Variants in TMEFF2 observed in about 807,000 individuals in gnomAD.
TMEFF2 encodes tomoregulin-2.
Under a neutral mutation model 53.8 loss-of-function variants are expected in TMEFF2, and 28 were observed. That is an observed-to-expected ratio of 0.52 (90% CI 0.39 to 0.71). The LOEUF is 0.71. Among genes scored for constraint, TMEFF2 ranks in the 30% least tolerant of loss-of-function variants. The pLI, the probability that TMEFF2 is intolerant of heterozygous loss-of-function variation, is 0.00. For synonymous variants in TMEFF2, 162 were observed against 166.3 expected (o/e 0.97, Z 0.20); for missense variants, 353 against 455.2 (o/e 0.78, Z 2.04).
At chr2:192,084,358 G>A (rs990865451) in intron 4 of TMEFF2, among the ~76,000 whole-genome samples, 4 of 152,070 alleles carry the variant, frequency 2.6e-5, no homozygotes, top group Admixed American at 1.3e-4. Flanking sequence ...GAGAGGAAAT[G>A]ATATTTTCCA....
chr2:192,193,772 A>T (rs1178735846), intron 1 of TMEFF2, among the ~76,000 whole-genome samples: 2 of 37,674 alleles, frequency 5.3e-5, no homozygotes, highest in Non-Finnish European at 6.9e-5. Flanking sequence ...AGAGAGAGAG[A>T]GAGAGAGAGA....
rs575440201 is a variant in TMEFF2, at chr2:191,968,515, C to A, written c.746-12137G>T. Among the ~76,000 whole-genome samples, 6 of 152,242 alleles carry A rather than the reference C, an allele frequency of 3.9e-5. No individual in the cohort carries two copies. In the South Asian group the frequency reaches 8.3e-4, roughly 21 times the overall value. Reference sequence around the variant, plus strand: ...GCCACCTGTGCTTCTAAATTGCAGGCCTTACGGACATAGAACATGCTCTTT... The same window carrying A: ...GCCACCTGTGCTTCTAAATTGCAGGACTTACGGACATAGAACATGCTCTTT... On this transcript the variant is annotated intron_variant, in intron 7 of 9. Coordinates refer to ENST00000272771, the MANE Select transcript of TMEFF2 (RefSeq NM_016192.4).
At chr2:192,073,887 G>A (rs1486049906) in intron 4 of TMEFF2, among the ~76,000 whole-genome samples, 1 of 151,862 alleles carries the variant, frequency 6.6e-6, no homozygotes, top group African/African-American at 2.4e-5. Context: ...AATCTTTTCT[G>A]AATATTTCTA....
rs756132004 is a variant in TMEFF2 at position 191,999,018 on chromosome 2, A to C, written c.685+42T>G. 5 of 1,565,036 alleles carry C rather than the reference A, an allele frequency of 3.2e-6. No individual in the cohort carries two copies. The Admixed American group carries it at 9.2e-5, about 29-fold the overall frequency. ...CTTCACTTTTCATTTTTGCACAAAG[A>C]CTAAAATCATTCTTTGAAATGAATT... On this transcript the variant is annotated intron_variant, in intron 6 of 9. Transcript: ENST00000272771.
rs1261484059 is a variant in TMEFF2 at position 191,956,250 on chromosome 2, G to A, written c.869+5C>T. The A allele has an allele frequency of 6.2e-7, 1 of 1,603,912 alleles. No individual in the cohort carries two copies. On this transcript the variant is annotated splice_donor_5th_base_variant and intron_variant, in intron 8 of 9. Coordinates refer to ENST00000272771, the MANE Select transcript of TMEFF2 (RefSeq NM_016192.4). ...ATTAACTATTCTTGCGAGTAAAAAT[G>A]TTACCTGCAAGATGGCTCCTGCATA...
chr2:192,172,758 A>C (rs1354424215), intron 4 of TMEFF2, among the ~76,000 whole-genome samples: 1 of 151,958 alleles, frequency 6.6e-6, no homozygotes, highest in East Asian at 1.9e-4. Flanking sequence ...GAAGGGGATG[A>C]GGAGATGTAA....
chr2:192,067,214 G>A (rs755724101), intron 4 of TMEFF2, among the ~76,000 whole-genome samples: 27 of 151,998 alleles, frequency 1.8e-4, no homozygotes, highest in Non-Finnish European at 3.4e-4. Flanking sequence ...GAATCATAGA[G>A]CATAGAGGAA....
At chr2:192,102,626 C>T (rs199796115) in intron 4 of TMEFF2, among the ~76,000 whole-genome samples, 116 of 109,772 alleles carry the variant, frequency 1.1e-3, no homozygotes, top group African/African-American at 1.9e-3. Context: ...TTTTCTTGTT[C>T]TTTTTTTTTT....
rs769874369 is a variant in TMEFF2, at chr2:191,949,666, G to A, written c.*645C>T. On this transcript the variant is annotated 3_prime_UTR_variant, in exon 10 of 10. Transcript: ENST00000272771. Reference sequence around the variant, plus strand: ...TATTTTCTTTCCCTCTCCTTTATGAGTTATAAAACACTTTCCCTCCCCTTC... The same window carrying A: ...TATTTTCTTTCCCTCTCCTTTATGAATTATAAAACACTTTCCCTCCCCTTC... The A allele has an allele frequency of 1.1e-3, 1,058 of 985,246 alleles. No homozygotes were observed. The highest frequency in any genetic ancestry group is 1.2e-3 in the Non-Finnish European group (958 of 829,880). The allele number at this position is 985,246 out of a possible 1,614,324, so 61.0% of individuals were successfully genotyped here. A position where few individuals can be genotyped will look rare whatever the true frequency, so the allele number is the denominator to read the frequency against.
At chr2:192,113,314 C>T (rs1689327270) in intron 4 of TMEFF2, among the ~76,000 whole-genome samples, 1 of 152,050 alleles carries the variant, frequency 6.6e-6, no homozygotes, top group Non-Finnish European at 1.5e-5. Context: ...GACAAGTCTG[C>T]ATATTGATAT....
chr2:192,019,393 G>C (rs1686811999), intron 5 of TMEFF2, among the ~76,000 whole-genome samples: 1 of 151,816 alleles, frequency 6.6e-6, no homozygotes, highest in Non-Finnish European at 1.5e-5. Context: ...TAAATAAGTA[G>C]TTGCTGATCT....
chr2:191,974,431 T>TTGGTTCTA (rs1692741880), intron 7 of TMEFF2, among the ~76,000 whole-genome samples: 1 of 152,146 alleles, frequency 6.6e-6, no homozygotes. Context: ...ACTAAATTGC[T>TTGGTTCTA]TGGTTCTATA....
intron 4 of TMEFF2, among the ~76,000 whole-genome samples, chr2:192,135,935 A>C (rs1353619706): frequency 6.6e-6 from 1 of 150,672 alleles, no homozygotes; most frequent in Non-Finnish European, 1.5e-5. Flanking sequence ...CCAGAGAACA[A>C]CCCCCTTTGA....
chr2:192,147,219 T>C (rs1260517125), intron 4 of TMEFF2, among the ~76,000 whole-genome samples: 1 of 152,022 alleles, frequency 6.6e-6, no homozygotes. Flanking sequence ...GAAGATTAAA[T>C]CACAGTGGGT....
intron 7 of TMEFF2, among the ~76,000 whole-genome samples, chr2:191,979,914 G>A (rs1685817001): frequency 6.6e-6 from 1 of 151,064 alleles, no homozygotes. Context: ...ATTATAAGTT[G>A]GTTAAATAAT....
chr2:192,189,776 A>C (rs2106048537), intron 2 of TMEFF2, among the ~76,000 whole-genome samples: 1 of 152,188 alleles, frequency 6.6e-6, no homozygotes, highest in Admixed American at 6.5e-5. Flanking sequence ...TTCTTCATGC[A>C]ACTTATACTT....
chr2:192,118,710 G>T (rs1234105750), intron 4 of TMEFF2, among the ~76,000 whole-genome samples: 1 of 152,090 alleles, frequency 6.6e-6, no homozygotes, highest in Non-Finnish European at 1.5e-5. Context: ...AAATTTCTTT[G>T]TACAGCAGAT....
intron 4 of TMEFF2, among the ~76,000 whole-genome samples, chr2:192,093,732 G>C (rs1688842928): frequency 6.6e-6 from 1 of 151,936 alleles, no homozygotes; most frequent in South Asian, 2.1e-4. Context: ...TAGATCCACT[G>C]CTGTGATTTT....
chr2:192,186,932 C>T (rs1031094429), intron 2 of TMEFF2, among the ~76,000 whole-genome samples: 5 of 152,062 alleles, frequency 3.3e-5, no homozygotes, highest in Admixed American at 2.6e-4. Context: ...GCTCATATGC[C>T]GCTTCTGAGG....
Sources: gnomAD v4.1 joint callset for allele counts (sites outside exome capture counted in the v4.1 genomes callset) on GRCh38, gnomAD v4.1.1 for gene constraint, MANE v1.5 for transcripts, NCBI Gene and HGNC (gene_info 2026-07-23, HGNC 2026-07-21) for gene names.